Variants in FAM13A observed in about 807,000 individuals in gnomAD.
FAM13A encodes protein FAM13A.
A neutral mutation model predicts 129.6 loss-of-function variants in FAM13A; 76 were observed. That is an observed-to-expected ratio of 0.59 (90% CI 0.49 to 0.71). FAM13A has a LOEUF of 0.71. Ranked by LOEUF, FAM13A falls within the 30% of genes least tolerant of loss-of-function variation. The pLI is 0.00. For missense variants in FAM13A, 1,108 were observed against 1,249.3 expected, an observed-to-expected ratio of 0.89 and a Z score of 1.70; for synonymous variants, 443 against 449.9, an observed-to-expected ratio of 0.98 and a Z score of 0.20.
intron 10 of FAM13A, among the ~76,000 whole-genome samples, chr4:88,782,314 A>C (rs377433527): frequency 1.3e-5 from 2 of 152,082 alleles, no homozygotes; most frequent in East Asian, 3.9e-4. Flanking sequence ...AAAAAGAAAC[A>C]ATATCATGGA....
At chr4:88,916,784 C>A (rs895374948) in intron 5 of FAM13A, among the ~76,000 whole-genome samples, 3 of 152,110 alleles carry the variant, frequency 2.0e-5, no homozygotes, top group Non-Finnish European at 4.4e-5. Flanking sequence ...AAAAGCTCCC[C>A]AGCTCATACA....
At chr4:88,772,771 T>A (rs1298166403) in intron 11 of FAM13A, among the ~76,000 whole-genome samples, 3 of 152,202 alleles carry the variant, frequency 2.0e-5, no homozygotes, top group African/African-American at 7.2e-5. Flanking sequence ...AACAAAAGTG[T>A]TGAATATCTC....
In FAM13A at chr4:88,796,373, A is replaced by C. The variant is rs143910498; in HGVS notation, c.1050-5746T>G. Among the ~76,000 whole-genome samples, 491 of 152,124 alleles carry C rather than the reference A, an allele frequency of 3.2e-3. 2 individuals are homozygous for C. Among genetic ancestry groups the C allele is most frequent in the African/African-American group, 0.011 (472 of 41,560 alleles). On this transcript the variant is annotated intron_variant, in intron 8 of 23. Transcript: ENST00000264344. ...AAATTTCTGCTCTTTAAGAACTTTTAAAGATAGCTGAATAATTTTTATAAA... is the reference window on the plus strand; with the variant it reads ...AAATTTCTGCTCTTTAAGAACTTTTCAAGATAGCTGAATAATTTTTATAAA...
At chr4:88,761,670 AT>A (rs1370413921) in intron 13 of FAM13A, among the ~76,000 whole-genome samples, 1 of 152,168 alleles carries the variant, frequency 6.6e-6, no homozygotes, top group African/African-American at 2.4e-5. Context: ...GGAATGGGAC[AT>A]GACAAGGGTG....
chr4:88,965,230 A>G (rs1360395373), intron 4 of FAM13A, among the ~76,000 whole-genome samples: 9 of 152,198 alleles, frequency 5.9e-5, no homozygotes, highest in Non-Finnish European at 1.2e-4. Flanking sequence ...AGAGAGAGAC[A>G]TAGAAAGGAA....
intron 6 of FAM13A, among the ~76,000 whole-genome samples, chr4:88,862,048 G>A (rs915619176): frequency 6.6e-6 from 1 of 152,058 alleles, no homozygotes; most frequent in Non-Finnish European, 1.5e-5. Context: ...GATATTTATG[G>A]AGCACTTACT....
intron 8 of FAM13A, among the ~76,000 whole-genome samples, chr4:88,793,686 G>C: frequency 6.6e-6 from 1 of 151,886 alleles, no homozygotes; most frequent in East Asian, 1.9e-4. Flanking sequence ...AGTGATCTCT[G>C]TAGTTTCTTT....
intron 6 of FAM13A, among the ~76,000 whole-genome samples, chr4:88,864,181 A>G (rs1038007180): frequency 2.0e-5 from 3 of 152,262 alleles, no homozygotes; most frequent in Admixed American, 1.3e-4. Context: ...GAAGTAGTCA[A>G]AGGAATGCTA....
intron 5 of FAM13A, among the ~76,000 whole-genome samples, chr4:88,920,963 GA>G (rs1561340061): frequency 6.6e-6 from 1 of 152,068 alleles, no homozygotes; most frequent in Non-Finnish European, 1.5e-5. Context: ...GATGGAAGAT[GA>G]AATGAATGAA....
In FAM13A at chr4:88,729,059, GTT is replaced by G. The variant is rs529829067; in HGVS notation, c.2946-402_2946-401del. On this transcript the variant is annotated intron_variant, in intron 23 of 23. Coordinates refer to ENST00000264344, the MANE Select transcript of FAM13A (RefSeq NM_014883.4). ...TAATTAGCAACTGGTCCACAACTTAGTTTTTTTTTTTTTTTTTTTTTCCAAAA... is the reference window on the plus strand; with the variant it reads ...TAATTAGCAACTGGTCCACAACTTAGTTTTTTTTTTTTTTTTTTTCCAAAA... 1.9e-3 allele frequency: 149 copies of G among 78,412 alleles called. 1 individual carries two copies. The highest frequency in any genetic ancestry group is 5.3e-3 in the Admixed American group (43 of 8,074). 4.9% of individuals were successfully genotyped at this position (78,412 alleles called of 1,614,324 possible). A position where few individuals can be genotyped will look rare whatever the true frequency, so the allele number is the denominator to read the frequency against.
chr4:89,003,906 A>C (rs1268513155), intron 3 of FAM13A, among the ~76,000 whole-genome samples: 2 of 136,330 alleles, frequency 1.5e-5, no homozygotes, highest in Non-Finnish European at 1.6e-5. Flanking sequence ...CAAATACCAA[A>C]ACAATAGCTA....
chr4:89,002,594 A>AT (rs1231269657), intron 3 of FAM13A, among the ~76,000 whole-genome samples: 1 of 152,194 alleles, frequency 6.6e-6, no homozygotes, highest in Non-Finnish European at 1.5e-5. Context: ...TCCCCAAATG[A>AT]CACAGCTAAA....
intron 7 of FAM13A, chr4:88,823,334 C>T: frequency 9.0e-7 from 1 of 1,109,952 alleles, no homozygotes; most frequent in Non-Finnish European, 1.1e-6. Flanking sequence ...TCCTCCTCCC[C>T]CGCACCCTAC....
rs186123903 is a variant in FAM13A at position 88,953,311 on chromosome 4, C to T, written c.606-15070G>A. Among the ~76,000 whole-genome samples the T allele has an allele frequency of 5.2e-3, 784 of 151,608 alleles. 9 individuals carry two copies. Among genetic ancestry groups the T allele is most frequent in the African/African-American group, 0.017 (720 of 41,294 alleles). ...CTCTACTAAAAGTACAAAAATTAGCCGGGCGTGGTGGCAGGCACCTGTAAT... is the reference window on the plus strand; with the variant it reads ...CTCTACTAAAAGTACAAAAATTAGCTGGGCGTGGTGGCAGGCACCTGTAAT... On this transcript the variant is annotated intron_variant, in intron 4 of 23. Coordinates refer to ENST00000264344, the MANE Select transcript of FAM13A (RefSeq NM_014883.4).
At chr4:89,012,016 T>G (rs1308771701) in intron 3 of FAM13A, among the ~76,000 whole-genome samples, 1 of 152,212 alleles carries the variant, frequency 6.6e-6, no homozygotes. Flanking sequence ...TGATGGATGA[T>G]CTAATTCCAA....
intron 11 of FAM13A, among the ~76,000 whole-genome samples, chr4:88,780,082 T>G (rs957932379): frequency 6.6e-6 from 1 of 152,210 alleles, no homozygotes; most frequent in Non-Finnish European, 1.5e-5. Flanking sequence ...TTAAATTCTT[T>G]ATTTTGAGAA....
At chr4:88,955,771 G>A (rs1757653300) in intron 4 of FAM13A, among the ~76,000 whole-genome samples, 1 of 152,176 alleles carries the variant, frequency 6.6e-6, no homozygotes, top group Non-Finnish European at 1.5e-5. Context: ...GCAGCACTTT[G>A]CCCTTGCCCT....
At chr4:88,876,896 C>T (rs1742629767) in intron 6 of FAM13A, among the ~76,000 whole-genome samples, 1 of 152,130 alleles carries the variant, frequency 6.6e-6, no homozygotes, top group Non-Finnish European at 1.5e-5. Context: ...CAGACCGCGT[C>T]ACTTCTTTAT....
chr4:88,907,525 A>C (rs1465694343), intron 5 of FAM13A, among the ~76,000 whole-genome samples: 2 of 152,262 alleles, frequency 1.3e-5, no homozygotes, highest in African/African-American at 4.8e-5. Context: ...GAAAGTAACA[A>C]CACTACTTAT....
Sources: gnomAD v4.1 joint callset for allele counts (sites outside exome capture counted in the v4.1 genomes callset) on GRCh38, gnomAD v4.1.1 for gene constraint, MANE v1.5 for transcripts, NCBI Gene and HGNC (gene_info 2026-07-23, HGNC 2026-07-21) for gene names.